The following ATF6 variants were observed in gnomAD, a reference collection of about 807,000 sequenced individuals.
ATF6 encodes the protein cyclic AMP-dependent transcription factor ATF-6 alpha.
In ATF6, 53 loss-of-function variants were observed where a neutral mutation model predicts 83.6. The observed-to-expected ratio is 0.63, with a 90% CI of 0.51 to 0.80. ATF6 has a LOEUF of 0.80. ATF6 is among the 30% of genes least tolerant of loss of function. The probability of loss-of-function intolerance (pLI) is 0.00; values close to 1 mark genes in which losing one functional copy is unlikely to be tolerated. For synonymous variants in ATF6, 288 were observed against 285.8 expected (o/e 1.01, Z -0.08); for missense variants, 744 against 797.9 (o/e 0.93, Z 0.81).
At chr1:161,948,420 T>A (rs1306846256) in intron 15 of ATF6, among the ~76,000 whole-genome samples, 3 of 152,188 alleles carry the variant, frequency 2.0e-5, no homozygotes, top group Non-Finnish European at 2.9e-5. Flanking sequence ...CTTCAGTCAT[T>A]TATAAGAATT....
intron 7 of ATF6, among the ~76,000 whole-genome samples, chr1:161,806,869 G>C (rs1172646121): frequency 6.6e-6 from 1 of 152,152 alleles, no homozygotes; most frequent in East Asian, 1.9e-4. Flanking sequence ...CCTTTCTCTA[G>C]AATTGGTGTA....
intron 9 of ATF6, 121 bp from the exon 10 acceptor site, chr1:161,846,328 A>G: frequency 9.1e-7 from 1 of 1,100,350 alleles, no homozygotes; most frequent in Non-Finnish European, 1.3e-6. Context: ...GTCTATGCCT[A>G]GCATTTTTGT....
chr1:161,814,992 T>C (rs1013203951), intron 7 of ATF6, among the ~76,000 whole-genome samples: 24 of 152,080 alleles, frequency 1.6e-4, no homozygotes, highest in Non-Finnish European at 2.9e-4. Context: ...AAGAGGTTAA[T>C]CAGTAATGGC....
intron 15 of ATF6, among the ~76,000 whole-genome samples, chr1:161,938,417 G>T (rs1277888118): frequency 6.6e-6 from 1 of 152,170 alleles, no homozygotes; most frequent in African/African-American, 2.4e-5. Context: ...CCTATTAAAT[G>T]ATAGTGATTT....
intron 14 of ATF6, among the ~76,000 whole-genome samples, chr1:161,895,918 C>A (rs555904896): frequency 6.6e-6 from 1 of 152,300 alleles, no homozygotes; most frequent in South Asian, 2.1e-4. Flanking sequence ...TGCTGTAGTG[C>A]ATTGACATCA....
chr1:161,878,651 G>A (rs1248471559), intron 14 of ATF6, among the ~76,000 whole-genome samples: 1 of 152,120 alleles, frequency 6.6e-6, no homozygotes, highest in Non-Finnish European at 1.5e-5. Flanking sequence ...GAGCAGCAAA[G>A]GAGACTAAAT....
intron 15 of ATF6, among the ~76,000 whole-genome samples, chr1:161,914,946 G>T (rs1298869840): frequency 6.6e-6 from 1 of 152,170 alleles, no homozygotes; most frequent in East Asian, 1.9e-4. Context: ...AGAACAAGTA[G>T]ATTCACTTCA....
At chr1:161,858,037 T>G (rs1686801340) in intron 12 of ATF6, among the ~76,000 whole-genome samples, 1 of 151,952 alleles carries the variant, frequency 6.6e-6, no homozygotes, top group Non-Finnish European at 1.5e-5. Context: ...TCCAGGAGTT[T>G]GAGAAGCTGC....
intron 15 of ATF6, among the ~76,000 whole-genome samples, chr1:161,929,412 C>A (rs1210077421): frequency 2.6e-5 from 4 of 152,158 alleles, no homozygotes; most frequent in African/African-American, 9.7e-5. Context: ...TCCTTCTAGG[C>A]CTTCTAGGGC....
At chr1:161,861,690 T>C (rs1686889347) in intron 13 of ATF6, among the ~76,000 whole-genome samples, 1 of 152,216 alleles carries the variant, frequency 6.6e-6, no homozygotes, top group South Asian at 2.1e-4. Context: ...ATATTAGCAG[T>C]GCTTTTGTCA....
At chr1:161,841,975 T>A (rs1460289595) in intron 9 of ATF6, among the ~76,000 whole-genome samples, 1 of 152,214 alleles carries the variant, frequency 6.6e-6, no homozygotes, top group Non-Finnish European at 1.5e-5. Flanking sequence ...AAATGCCAGT[T>A]TACATAGTGT....
intron 7 of ATF6, among the ~76,000 whole-genome samples, chr1:161,815,731 C>T (rs181332310): frequency 3.6e-4 from 55 of 152,020 alleles, no homozygotes; most frequent in African/African-American, 1.3e-3. Flanking sequence ...TTGTTTGAGC[C>T]CAGGAGTTCA....
chr1:161,942,933 G>A (rs12048680), intron 15 of ATF6, among the ~76,000 whole-genome samples: 36,548 of 152,106 alleles, frequency 0.24, 6,392 homozygotes, highest in African/African-American at 0.45. Flanking sequence ...TTGGTTCACT[G>A]CAACCTCCGC....
rs532817440 is a variant in ATF6 at position 161,913,958 on chromosome 1, A to T, written c.1804+1578A>T. 6.6e-5 allele frequency among the ~76,000 whole-genome samples: 10 copies of T among 152,304 alleles called. No homozygotes were observed. The East Asian group carries it at 1.5e-3, about 24-fold the overall frequency. The stretch of plus-strand genomic sequence containing the variant: ...TTTATATTAAGCCAAAACCAACAAG[A>T]TGCTGTTTGACTATGTTTATCTTGG... On this transcript the variant is annotated intron_variant, in intron 15 of 15. Coordinates refer to ENST00000367942, the MANE Select transcript of ATF6 (RefSeq NM_007348.4).
In ATF6 at chr1:161,866,770, G is replaced by C. The variant is rs79827863; in HGVS notation, c.1719+3458G>C. On this transcript the variant is annotated intron_variant, in intron 14 of 15. Transcript: ENST00000367942. ...TTGTTTGTTTGTTTGTTTGTTTTAA[G>C]AGACAAGGTCTCTGTTGCCCAGGAT... 9.8e-3 allele frequency among the ~76,000 whole-genome samples: 1,492 copies of C among 152,110 alleles called. 8 individuals are homozygous for C. Among genetic ancestry groups the C allele is most frequent in the South Asian group, 0.017 (82 of 4,812 alleles).
At chr1:161,932,930 C>T (rs1285104607) in intron 15 of ATF6, among the ~76,000 whole-genome samples, 4 of 152,154 alleles carry the variant, frequency 2.6e-5, no homozygotes, top group East Asian at 1.9e-4. Context: ...TTGCCATATG[C>T]GCCTCTCTAT....
intron 14 of ATF6, among the ~76,000 whole-genome samples, chr1:161,885,736 T>C (rs906161955): frequency 7.2e-5 from 11 of 152,200 alleles, no homozygotes; most frequent in Non-Finnish European, 8.8e-5. Context: ...CATTGAACAC[T>C]TACTGTTACC....
chr1:161,824,185 A>G (rs1685830682), intron 9 of ATF6, among the ~76,000 whole-genome samples: 1 of 152,026 alleles, frequency 6.6e-6, no homozygotes, highest in Admixed American at 6.6e-5. Context: ...TTAGCCTGTC[A>G]CATTGGCCTG....
At chr1:161,827,077 ACC>A (rs1685921713) in intron 9 of ATF6, among the ~76,000 whole-genome samples, 1 of 151,108 alleles carries the variant, frequency 6.6e-6, no homozygotes. Context: ...GATTACAGGC[ACC>A]TGCCACTATG....
Sources: allele counts gnomAD v4.1 joint callset (sites outside exome capture counted in the v4.1 genomes callset), GRCh38; gene constraint gnomAD v4.1.1; transcripts MANE v1.5; gene names NCBI Gene and HGNC (gene_info 2026-07-23, HGNC 2026-07-21).